The following SYT16 variants were observed in gnomAD, a reference collection of about 807,000 sequenced individuals.
The protein encoded by SYT16 is synaptotagmin-16.
In SYT16, 42 loss-of-function variants were observed where a neutral mutation model predicts 61.4. The observed-to-expected ratio is 0.68, with a 90% CI of 0.53 to 0.89. SYT16 has a LOEUF of 0.89. Ranked by LOEUF, SYT16 falls within the 40% of genes least tolerant of loss-of-function variation. The pLI, the probability that SYT16 is intolerant of heterozygous loss-of-function variation, is 0.00. For missense variants in SYT16, 804 were observed against 807.3 expected (o/e 1.00, Z 0.05); for synonymous variants, 314 against 302.3 (o/e 1.04, Z -0.40).
At chr14:61,823,574 C>CAAAAAAAAAA (rs55935256) in intron 1 of SYT16, among the ~76,000 whole-genome samples, 466 of 70,036 alleles carry the variant, frequency 6.7e-3, no homozygotes, top group African/African-American at 7.7e-3. Context: ...ACTAAAAATA[C>CAAAAAAAAAA]AAAAAAAAAA....
At chr14:61,933,231 G>A (rs572991266) in intron 1 of SYT16, among the ~76,000 whole-genome samples, 1 of 152,176 alleles carries the variant, frequency 6.6e-6, no homozygotes, top group Non-Finnish European at 1.5e-5. Context: ...GATGAGAGCC[G>A]GGAGGAGGGG....
rs1321284808 is a variant in SYT16 at position 62,101,588 on chromosome 14, A to G, written c.*881A>G. ...TATGTTCAATTATATATACTCATAT[A>G]TGAATATTTTGAATGTACTGCATGT... On this transcript the variant is annotated 3_prime_UTR_variant, in exon 8 of 8. Transcript: ENST00000683842. The G allele has an allele frequency of 1.3e-5, 2 of 152,194 alleles. No homozygotes were observed. The highest frequency in any genetic ancestry group is 4.8e-5 in the African/African-American group (2 of 41,460). 9.4% of individuals were successfully genotyped at this position (152,194 alleles called of 1,614,324 possible).
intron 1 of SYT16, among the ~76,000 whole-genome samples, chr14:61,885,526 A>G (rs2047866443): frequency 6.6e-6 from 1 of 152,214 alleles, no homozygotes; most frequent in Non-Finnish European, 1.5e-5. Context: ...ACATATAGTC[A>G]GATAAATGTT....
intron 1 of SYT16, among the ~76,000 whole-genome samples, chr14:61,928,074 T>C (rs2049606841): frequency 6.6e-6 from 1 of 152,168 alleles, no homozygotes; most frequent in East Asian, 1.9e-4. Flanking sequence ...AGGTGTAAGT[T>C]TGATATTTAA....
chr14:61,985,812 A>G (rs1366969046), intron 2 of SYT16, among the ~76,000 whole-genome samples: 1 of 152,130 alleles, frequency 6.6e-6, no homozygotes, highest in East Asian at 1.9e-4. Flanking sequence ...TTCTTGAGTG[A>G]CTTCTATGTG....
Position 62,098,203 on chromosome 14 carries a change from A to G in SYT16, c.1625-2191A>G, listed in dbSNP as rs537486711. Among the ~76,000 whole-genome samples the G allele has an allele frequency of 2.0e-5, 3 of 152,360 alleles. No homozygotes were observed. The South Asian group carries it at 6.2e-4, about 32-fold the overall frequency. ...CAGTAAATTACAGAGATCTGCGTTT[A>G]CGCTTTAAAAAGTTTGACTGGTCGT... On this transcript the variant is annotated intron_variant, in intron 7 of 7. Transcript: ENST00000683842.
At chr14:61,910,654 G>A (rs773890088) in intron 1 of SYT16, among the ~76,000 whole-genome samples, 4 of 151,258 alleles carry the variant, frequency 2.6e-5, no homozygotes, top group African/African-American at 7.3e-5. Context: ...TCAGCCTCCC[G>A]AGTAGCTGGG....
rs567307881 is a variant in SYT16, at chr14:61,918,040, A to G, written c.-324-52092A>G. Among the ~76,000 whole-genome samples the G allele has an allele frequency of 6.6e-5, 10 of 152,290 alleles. 1 individual carries two copies. In the South Asian group the frequency reaches 2.1e-3, roughly 32 times the overall value. ...TCCATGTGGTGTCCTGTCGGTATTC[A>G]AAGAGTTTTGAATTTTGGAGCACTT... is the stretch of plus-strand genomic sequence containing the variant. On this transcript the variant is annotated intron_variant, in intron 1 of 7. Transcript: ENST00000683842.
chr14:62,020,517 G>A (rs1456764238), intron 3 of SYT16, among the ~76,000 whole-genome samples: 1 of 152,136 alleles, frequency 6.6e-6, no homozygotes, highest in Non-Finnish European at 1.5e-5. Flanking sequence ...GGGTTCAGTT[G>A]CAAAGTTTTC....
At chr14:62,043,407 C>CTTTTTTTT (rs1203186408) in intron 3 of SYT16, among the ~76,000 whole-genome samples, 1 of 122,558 alleles carries the variant, frequency 8.2e-6, no homozygotes, top group African/African-American at 3.1e-5. Context: ...ATTTTTCTTT[C>CTTTTTTTT]TTTTTTTTTT....
intron 1 of SYT16, among the ~76,000 whole-genome samples, chr14:61,962,271 TAAAAA>T (rs71117860): frequency 6.7e-6 from 1 of 149,530 alleles, no homozygotes; most frequent in African/African-American, 2.4e-5. Flanking sequence ...ACTTAAAAGT[TAAAAA>T]AAAAAGTTTT....
intron 3 of SYT16, among the ~76,000 whole-genome samples, chr14:62,008,147 T>C (rs1403200364): frequency 6.6e-6 from 1 of 152,088 alleles, no homozygotes; most frequent in African/African-American, 2.4e-5. Context: ...TATCCTCTTC[T>C]TCCCTCTTCC....
At chr14:61,874,470 G>A (rs148712465) in intron 1 of SYT16, among the ~76,000 whole-genome samples, 1 of 152,160 alleles carries the variant, frequency 6.6e-6, no homozygotes, top group Non-Finnish European at 1.5e-5. Flanking sequence ...CAAATCCCTT[G>A]TGTATACCGA....
chr14:61,922,774 G>A (rs2049382032), intron 1 of SYT16, among the ~76,000 whole-genome samples: 1 of 152,318 alleles, frequency 6.6e-6, no homozygotes, highest in South Asian at 2.1e-4. Flanking sequence ...TGTAGGCCAG[G>A]CGTGGTAGCT....
chr14:61,951,153 T>C (rs573868744), intron 1 of SYT16, among the ~76,000 whole-genome samples: 1 of 152,328 alleles, frequency 6.6e-6, no homozygotes, highest in Non-Finnish European at 1.5e-5. Flanking sequence ...ACAAACAAAT[T>C]CTTAGTAACA....
intron 1 of SYT16, among the ~76,000 whole-genome samples, chr14:61,826,407 C>T (rs556462256): frequency 3.3e-5 from 5 of 152,132 alleles, no homozygotes; most frequent in Admixed American, 1.3e-4. Flanking sequence ...AACAAAACAA[C>T]ATTATTTGAG....
intron 1 of SYT16, chr14:61,864,956 C>T: frequency 1.5e-6 from 2 of 1,328,356 alleles, no homozygotes; most frequent in Non-Finnish European, 2.2e-6. Context: ...CTTGAAAGTG[C>T]TGAAAATTGC....
Position 62,080,717 on chromosome 14 carries a change from A to T in SYT16, c.994-117A>T, listed in dbSNP as rs2056676890. On this transcript the variant is annotated intron_variant, in intron 5 of 7. Coordinates refer to ENST00000683842, the MANE Select transcript of SYT16 (RefSeq NM_001367656.1). Reference sequence around the variant, plus strand: ...AAACAGACCTATCTGATATAGAGGGAATACACTGGCAGTTAGAAAGCAGGG... The same window carrying T: ...AAACAGACCTATCTGATATAGAGGGTATACACTGGCAGTTAGAAAGCAGGG... The T allele has an allele frequency of 1.1e-5, 11 of 995,122 alleles. No homozygotes were observed. In the South Asian group the frequency reaches 1.8e-4, roughly 16 times the overall value. 61.6% of individuals were successfully genotyped at this position (995,122 alleles called of 1,614,324 possible). A position where few individuals can be genotyped will look rare whatever the true frequency, so the allele number is the denominator to read the frequency against.
In SYT16 at chr14:62,080,978, A is replaced by G. The variant is rs773361752; in HGVS notation, c.1138A>G (p.Lys380Glu). The stretch of plus-strand genomic sequence containing the variant: ...TGTGAGGGCACAGGGCCTCCCAGAT[A>G]AGGACCGAAGTGGTGTCAACTCCTG... Reference protein sequence around the residue: ...TIVRAQGLPDKDRSGVNSWQV... With the variant: ...TIVRAQGLPDEDRSGVNSWQV... Residue 380 changes from lysine (K) to glutamate (E), a missense_variant, in exon 6 of 8, where the codon AAG becomes GAG. By Grantham distance (56) the Lys-to-Glu change is moderately conservative. Coordinates refer to ENST00000683842, the MANE Select transcript of SYT16 (RefSeq NM_001367656.1). The G allele has an allele frequency of 5.0e-6, 8 of 1,613,098 alleles. No individual in the cohort carries two copies. Among genetic ancestry groups the G allele is most frequent in the Non-Finnish European group, 6.8e-6 (8 of 1,179,556 alleles).
Sources: allele counts gnomAD v4.1 joint callset (sites outside exome capture counted in the v4.1 genomes callset), GRCh38; gene constraint gnomAD v4.1.1; transcripts MANE v1.5; gene names NCBI Gene and HGNC (gene_info 2026-07-23, HGNC 2026-07-21).